ANKRD30B: variants seen among roughly 807,000 people sequenced by gnomAD.
ANKRD30B encodes ankyrin repeat domain 30B.
Under a neutral mutation model 202.2 loss-of-function variants are expected in ANKRD30B, and 144 were observed. The ratio of observed to expected loss-of-function variants is 0.71; its 90% confidence interval spans 0.62 to 0.82. ANKRD30B has a LOEUF of 0.82. ANKRD30B is among the 40% of genes least tolerant of loss of function. The probability of loss-of-function intolerance (pLI) is 0.00; values close to 1 mark genes in which losing one functional copy is unlikely to be tolerated. For missense variants in ANKRD30B, 1,487 were observed against 1,669.1 expected (o/e 0.89, Z 1.90); for synonymous variants, 508 against 561.3 (o/e 0.91, Z 1.34).
At chr18:14,927,620 G>A in the ANKRD30B span, among the ~76,000 whole-genome samples, 1 of 152,318 alleles carries the variant, frequency 6.6e-6, no homozygotes, top group African/African-American at 2.4e-5. Flanking sequence ...TAAATCCACA[G>A]AGAACATATC....
the ANKRD30B span, among the ~76,000 whole-genome samples, chr18:14,900,993 C>T: frequency 2.0e-5 from 3 of 152,142 alleles, no homozygotes; most frequent in Non-Finnish European, 4.4e-5. Flanking sequence ...TAATGCACCC[C>T]AATTTCATTT....
At position 14,748,409 on chromosome 18, in the gene ANKRD30B, G is replaced by T. The variant is rs1912816406; in HGVS notation, c.-11G>T. 1 of 1,476,908 alleles carries T rather than the reference G, an allele frequency of 6.8e-7. No homozygotes were observed. Among genetic ancestry groups the T allele is most frequent in the Non-Finnish European group, 9.0e-7 (1 of 1,110,854 alleles). The allele number at this position is 1,476,908 out of a possible 1,614,324, so 91.5% of individuals were successfully genotyped here. On this transcript the variant is annotated 5_prime_UTR_variant, in exon 1 of 44. Transcript: ENST00000690538. ...GGAGGCGCGGGCTCTCTCTAGCAGG[G>T]GGCTGCAGCCATGAAGAGGCTCTTA... is the stretch of plus-strand genomic sequence containing the variant.
chr18:14,833,563 A>AT (rs1259497554), intron 34 of ANKRD30B, among the ~76,000 whole-genome samples: 1 of 152,190 alleles, frequency 6.6e-6, no homozygotes, highest in Admixed American at 6.5e-5. Context: ...TGAAACATTC[A>AT]TTTTTAAATT....
chr18:14,793,754 C>A (rs1368800200), intron 16 of ANKRD30B, among the ~76,000 whole-genome samples: 1 of 151,606 alleles, frequency 6.6e-6, no homozygotes, highest in Admixed American at 6.6e-5. Flanking sequence ...ATTAGCCGGG[C>A]GTGGCGGTGG....
chr18:14,794,754 G>T (rs141216633), intron 16 of ANKRD30B, among the ~76,000 whole-genome samples: 99 of 152,184 alleles, frequency 6.5e-4, no homozygotes, highest in East Asian at 3.9e-3. Flanking sequence ...GACATAAATT[G>T]TGTGTGTTTT....
intron 1 of ANKRD30B, among the ~76,000 whole-genome samples, chr18:14,751,141 C>T (rs994183960): frequency 6.6e-6 from 1 of 151,844 alleles, no homozygotes; most frequent in Non-Finnish European, 1.5e-5. Flanking sequence ...TTTACATATA[C>T]ATTTTATTAA....
the ANKRD30B span, among the ~76,000 whole-genome samples, chr18:14,915,813 C>T: frequency 6.6e-6 from 1 of 152,196 alleles, no homozygotes; most frequent in African/African-American, 2.4e-5. Context: ...CCTCTGCATC[C>T]ACAGGTTCTA....
the ANKRD30B span, among the ~76,000 whole-genome samples, chr18:14,910,573 C>G: frequency 6.6e-6 from 1 of 151,430 alleles, no homozygotes; most frequent in African/African-American, 2.4e-5. Context: ...TTGGGAATAG[C>G]GCTTCCATAA....
At chr18:14,808,147 T>G (rs1277536305) in intron 24 of ANKRD30B, among the ~76,000 whole-genome samples, 2 of 150,778 alleles carry the variant, frequency 1.3e-5, no homozygotes, top group Non-Finnish European at 3.0e-5. Flanking sequence ...ATGTGTTTCC[T>G]TAACAATATG....
At chr18:14,841,090 G>A (rs530929562) in intron 37 of ANKRD30B, among the ~76,000 whole-genome samples, 3 of 152,324 alleles carry the variant, frequency 2.0e-5, no homozygotes, top group African/African-American at 7.2e-5. Flanking sequence ...AAATTTGGCA[G>A]AGAATTACAG....
downstream of ANKRD30B, among the ~76,000 whole-genome samples, chr18:14,855,950 T>G (rs1972095452): frequency 1.4e-5 from 2 of 147,800 alleles, 1 homozygote; most frequent in South Asian, 4.3e-4. Flanking sequence ...GCAGAGGCGC[T>G]CCTCACCTCC....
the ANKRD30B span, among the ~76,000 whole-genome samples, chr18:14,891,867 A>G: frequency 6.6e-6 from 1 of 152,254 alleles, no homozygotes; most frequent in Non-Finnish European, 1.5e-5. Flanking sequence ...GAAGAATACT[A>G]TTAGGTTAAA....
the ANKRD30B span, among the ~76,000 whole-genome samples, chr18:14,905,044 T>G: frequency 6.6e-6 from 1 of 151,364 alleles, no homozygotes; most frequent in Non-Finnish European, 1.5e-5. Context: ...GCAACGAGAG[T>G]GATTTCTGGT....
At chr18:14,829,092 G>A (rs544119621) in intron 33 of ANKRD30B, among the ~76,000 whole-genome samples, 1 of 151,840 alleles carries the variant, frequency 6.6e-6, no homozygotes, top group South Asian at 2.1e-4. Context: ...ATCTTTTCCT[G>A]ATTACTTTCT....
chr18:14,897,188 T>C, the ANKRD30B span, among the ~76,000 whole-genome samples: 9 of 152,202 alleles, frequency 5.9e-5, no homozygotes, highest in Middle Eastern at 6.8e-3. Context: ...AAACTAGAGC[T>C]GTATATCTGG....
At chr18:14,876,015 G>T in the ANKRD30B span, among the ~76,000 whole-genome samples, 2 of 152,088 alleles carry the variant, frequency 1.3e-5, no homozygotes, top group African/African-American at 2.4e-5. Flanking sequence ...CTAAGACATA[G>T]CTCATTGTAC....
rs777574235 is a variant in ANKRD30B at position 14,754,853 on chromosome 18, G to T, written c.511-46G>T. 5 of 1,319,818 alleles carry T rather than the reference G, an allele frequency of 3.8e-6. No homozygotes were observed. The South Asian group carries it at 5.1e-5, about 13-fold the overall frequency. 81.8% of individuals were successfully genotyped at this position (1,319,818 alleles called of 1,614,324 possible). A position where few individuals can be genotyped will look rare whatever the true frequency, so the allele number is the denominator to read the frequency against. On this transcript the variant is annotated intron_variant, in intron 3 of 43. Transcript: ENST00000690538. Reference sequence around the variant, plus strand: ...AATATAAGGTATTCAGTTCAGCTGAGAAATATGTAATTTCATGAATTATAT... The same window carrying T: ...AATATAAGGTATTCAGTTCAGCTGATAAATATGTAATTTCATGAATTATAT...
chr18:14,825,647 G>A (rs1362458324), intron 32 of ANKRD30B, among the ~76,000 whole-genome samples: 1 of 151,978 alleles, frequency 6.6e-6, no homozygotes, highest in African/African-American at 2.4e-5. Flanking sequence ...GAAGGTTTGT[G>A]TCTATTTCCT....
At chr18:14,931,190 T>C in the ANKRD30B span, among the ~76,000 whole-genome samples, 1 of 152,160 alleles carries the variant, frequency 6.6e-6, no homozygotes, top group African/African-American at 2.4e-5. Context: ...ATCACCCAAA[T>C]GACAGCTCAC....
Sources: gnomAD v4.1 joint callset for allele counts (sites outside exome capture counted in the v4.1 genomes callset) on GRCh38, gnomAD v4.1.1 for gene constraint, MANE v1.5 for transcripts, NCBI Gene and HGNC (gene_info 2026-07-23, HGNC 2026-07-21) for gene names.